Variants in C1orf105 observed in about 807,000 individuals in gnomAD.
C1orf105 encodes uncharacterized protein C1orf105.
Under a neutral mutation model 20.8 loss-of-function variants are expected in C1orf105, and 17 were observed. That is an observed-to-expected ratio of 0.82 (90% CI 0.56 to 1.23). C1orf105 has a LOEUF of 1.23. C1orf105 is among the 50% of genes most tolerant of loss of function. The pLI, the probability that C1orf105 is intolerant of heterozygous loss-of-function variation, is 0.00. For missense variants in C1orf105, 219 were observed against 213.5 expected, an observed-to-expected ratio of 1.03 and a Z score of -0.16; for synonymous variants, 72 against 72.1, an observed-to-expected ratio of 1.00 and a Z score of 0.01.
chr1:172,457,134 A>T (rs1360408850), intron 4 of C1orf105, among the ~76,000 whole-genome samples: 1 of 152,178 alleles, frequency 6.6e-6, no homozygotes, highest in Non-Finnish European at 1.5e-5. Flanking sequence ...TTCAGGAAGG[A>T]TGCTAGACTA....
intron 1 of C1orf105, 114 bp downstream of exon 1, chr1:172,421,020 A>G (rs2071571498): frequency 1.1e-6 from 1 of 931,428 alleles, no homozygotes; most frequent in Admixed American, 2.8e-5. Context: ...CAGACATCCT[A>G]GAAGTTGAAA....
intron 1 of C1orf105, among the ~76,000 whole-genome samples, chr1:172,426,614 A>C (rs552710849): frequency 8.0e-5 from 12 of 150,784 alleles, no homozygotes; most frequent in African/African-American, 2.7e-4. Flanking sequence ...TCTTGCAATG[A>C]TCTTGCTCTC....
chr1:172,462,344 A>G, intron 5 of C1orf105, 99 bp downstream of exon 5: 1 of 862,050 alleles, frequency 1.2e-6, no homozygotes, highest in Non-Finnish European at 1.8e-6. Context: ...ATGTTTAAGG[A>G]ATGCTTAGGG....
intron 6 of C1orf105, among the ~76,000 whole-genome samples, chr1:172,467,349 G>C (rs561199275): frequency 3.9e-5 from 6 of 152,262 alleles, no homozygotes; most frequent in African/African-American, 1.4e-4. Context: ...TCTGGATTCT[G>C]CTTATCCTTA....
chr1:172,466,982 G>A (rs1312429325), intron 6 of C1orf105, among the ~76,000 whole-genome samples: 1 of 152,194 alleles, frequency 6.6e-6, no homozygotes, highest in Non-Finnish European at 1.5e-5. Context: ...TAGGCTAGAA[G>A]CGATGAGACC....
At chr1:172,459,679 G>T (rs1456248205) in intron 4 of C1orf105, among the ~76,000 whole-genome samples, 1 of 152,040 alleles carries the variant, frequency 6.6e-6, no homozygotes, top group Non-Finnish European at 1.5e-5. Flanking sequence ...GTTACCATAT[G>T]ACCCAGCAAT....
chr1:172,448,584 A>G (rs1648276636), intron 3 of C1orf105, 53 bp downstream of exon 3: 1 of 1,024,146 alleles, frequency 9.8e-7, no homozygotes, highest in Non-Finnish European at 1.5e-6. Flanking sequence ...AGAATGACAT[A>G]GAATATGAAT....
intron 1 of C1orf105, chr1:172,441,639 G>A: frequency 1.7e-6 from 2 of 1,158,808 alleles, no homozygotes; most frequent in Non-Finnish European, 2.4e-6. Flanking sequence ...ATGACATGCT[G>A]CTTCCAGAAT....
Position 172,468,690 on chromosome 1 carries a change from C to T in C1orf105, c.*96C>T. On this transcript the variant is annotated 3_prime_UTR_variant, in exon 7 of 7. Coordinates refer to ENST00000367727, the MANE Select transcript of C1orf105 (RefSeq NM_139240.4). Reference sequence around the variant, plus strand: ...GCACCTTCTCCTCACAATTTTCTCTCTTCTCCCAAAAGATGATTTAATTTT... The same window carrying T: ...GCACCTTCTCCTCACAATTTTCTCTTTTCTCCCAAAAGATGATTTAATTTT... The T allele has an allele frequency of 7.4e-7, 1 of 1,347,496 alleles. No individual in the cohort carries two copies. Among genetic ancestry groups the T allele is most frequent in the Non-Finnish European group, 1.0e-6 (1 of 983,314 alleles). 83.5% of individuals were successfully genotyped at this position (1,347,496 alleles called of 1,614,324 possible).
chr1:172,454,010 G>A (rs115756910), intron 3 of C1orf105, among the ~76,000 whole-genome samples: 1,806 of 152,284 alleles, frequency 0.012, 40 homozygotes, highest in African/African-American at 0.041. Flanking sequence ...ATCTTGCAAT[G>A]CACTTTGGGG....
intron 1 of C1orf105, chr1:172,431,333 C>A: frequency 2.6e-6 from 1 of 391,008 alleles, no homozygotes; most frequent in Non-Finnish European, 4.5e-6. Flanking sequence ...ACTGTTAATA[C>A]AGATAAAGTT....
chr1:172,439,951 T>C (rs931108101), intron 1 of C1orf105, among the ~76,000 whole-genome samples: 8 of 152,182 alleles, frequency 5.3e-5, no homozygotes, highest in African/African-American at 1.9e-4. Context: ...GAAACCCTTT[T>C]CTCCTCATTG....
At chr1:172,462,157 A>T (rs915403171) in intron 4 of C1orf105, 21 bp from the exon 5 acceptor site, 20 of 1,584,610 alleles carry the variant, frequency 1.3e-5, no homozygotes, top group Non-Finnish European at 1.7e-5. Context: ...GCAACGTTCT[A>T]AATGAGACTT....
At chr1:172,429,923 G>C (rs1352891084) in intron 1 of C1orf105, among the ~76,000 whole-genome samples, 1 of 152,132 alleles carries the variant, frequency 6.6e-6, no homozygotes, top group South Asian at 2.1e-4. Flanking sequence ...TGTGAGCAAA[G>C]CTGCCTCCCC....
At chr1:172,452,348 C>A (rs561107381) in intron 3 of C1orf105, among the ~76,000 whole-genome samples, 1 of 152,320 alleles carries the variant, frequency 6.6e-6, no homozygotes, top group South Asian at 2.1e-4. Context: ...CCTATCAGGT[C>A]TCTCTCAGTT....
chr1:172,440,001 T>C (rs2072168313), intron 1 of C1orf105, among the ~76,000 whole-genome samples: 1 of 152,144 alleles, frequency 6.6e-6, no homozygotes, highest in African/African-American at 2.4e-5. Flanking sequence ...CAATTGACCT[T>C]ACAGAAAACC....
intron 6 of C1orf105, among the ~76,000 whole-genome samples, chr1:172,466,666 G>T (rs893401536): frequency 2.0e-5 from 3 of 151,530 alleles, no homozygotes; most frequent in African/African-American, 7.3e-5. Flanking sequence ...TATATTTTTT[G>T]GTCCTAGAGA....
intron 1 of C1orf105, among the ~76,000 whole-genome samples, chr1:172,429,225 C>T (rs889992464): frequency 0.066 from 36 of 548 alleles, no homozygotes; most frequent in African/African-American, 0.16. Flanking sequence ...TACAAATATA[C>T]ACACACACAC....
chr1:172,423,791 C>A (rs192225247), intron 1 of C1orf105, among the ~76,000 whole-genome samples: 2 of 151,682 alleles, frequency 1.3e-5, no homozygotes, highest in African/African-American at 4.8e-5. Context: ...AAGAATCAAG[C>A]AGAAATTCTG....
Sources: gnomAD v4.1 joint callset for allele counts (sites outside exome capture counted in the v4.1 genomes callset) on GRCh38, gnomAD v4.1.1 for gene constraint, MANE v1.5 for transcripts, NCBI Gene and HGNC (gene_info 2026-07-23, HGNC 2026-07-21) for gene names.